Variants in MIS18A observed in about 807,000 individuals in gnomAD.
MIS18A encodes MIS18 kinetochore protein A, also known as protein Mis18-alpha.
MIS18A carries 14 observed loss-of-function variants against 25.0 expected under a neutral mutation model. That is an observed-to-expected ratio of 0.56 (90% confidence interval 0.37 to 0.88). The LOEUF is 0.88. Among genes scored for constraint, MIS18A ranks in the 40% least tolerant of loss-of-function variants. The probability of loss-of-function intolerance (pLI) is 0.00; values close to 1 mark genes in which losing one functional copy is unlikely to be tolerated. For missense variants in MIS18A, 292 were observed against 290.8 expected, an observed-to-expected ratio of 1.00 and a Z score of -0.03; for synonymous variants, 134 against 118.6, an observed-to-expected ratio of 1.13 and a Z score of -0.84.
chr21:32,178,288 GA>G, the MIS18A span, among the ~76,000 whole-genome samples: 7 of 151,998 alleles, frequency 4.6e-5, no homozygotes, highest in Non-Finnish European at 7.4e-5. Context: ...AATGCAGAGA[GA>G]CCAAAAAAAG....
chr21:32,197,199 A>G, the MIS18A span, among the ~76,000 whole-genome samples: 1 of 152,252 alleles, frequency 6.6e-6, no homozygotes, highest in Non-Finnish European at 1.5e-5. Flanking sequence ...GGAAAGAAGG[A>G]AATTTTGAAG....
the MIS18A span, among the ~76,000 whole-genome samples, chr21:32,188,003 GTCTC>G: frequency 4.7e-5 from 7 of 149,992 alleles, no homozygotes; most frequent in Non-Finnish European, 4.4e-5. Context: ...CTCCCTTTCT[GTCTC>G]TCTCTCTCTC....
the MIS18A span, among the ~76,000 whole-genome samples, chr21:32,219,103 T>C: frequency 6.6e-6 from 1 of 151,718 alleles, no homozygotes; most frequent in Non-Finnish European, 1.5e-5. Context: ...GCAATTACAT[T>C]AAACATAAAT....
the MIS18A span, among the ~76,000 whole-genome samples, chr21:32,200,877 A>C: frequency 6.6e-6 from 1 of 152,128 alleles, no homozygotes; most frequent in African/African-American, 2.4e-5. Context: ...AAACTCTCCT[A>C]ATTATCTTTT....
the MIS18A span, among the ~76,000 whole-genome samples, chr21:32,201,949 G>A: frequency 2.0e-5 from 3 of 151,988 alleles, no homozygotes; most frequent in African/African-American, 7.3e-5. Context: ...TTCAAGGAAG[G>A]CCATCAAAAT....
chr21:32,184,471 T>G, the MIS18A span, among the ~76,000 whole-genome samples: 1 of 152,180 alleles, frequency 6.6e-6, no homozygotes, highest in Non-Finnish European at 1.5e-5. Context: ...CCATTTGAAA[T>G]TTTTTCACAA....
At chr21:32,182,910 C>A in the MIS18A span, among the ~76,000 whole-genome samples, 2 of 152,190 alleles carry the variant, frequency 1.3e-5, no homozygotes, top group African/African-American at 4.8e-5. Flanking sequence ...AAGACGTACA[C>A]GTTAGTAGAC....
At chr21:32,249,059 A>G in the MIS18A span, among the ~76,000 whole-genome samples, 1 of 152,178 alleles carries the variant, frequency 6.6e-6, no homozygotes, top group African/African-American at 2.4e-5. Flanking sequence ...ACCTAAGAGC[A>G]CTTGCATAGC....
downstream of MIS18A, among the ~76,000 whole-genome samples, chr21:32,265,008 T>A (rs2031566144): frequency 6.6e-6 from 1 of 152,222 alleles, no homozygotes; most frequent in African/African-American, 2.4e-5. Flanking sequence ...TACCAGGTTC[T>A]GGAATCAGTT....
At chr21:32,275,194 C>T (rs1250123537) in intron 1 of MIS18A, among the ~76,000 whole-genome samples, 2 of 151,886 alleles carry the variant, frequency 1.3e-5, no homozygotes, top group Non-Finnish European at 2.9e-5. Context: ...GACAACATAA[C>T]GAGACTCCAT....
At chr21:32,241,590 G>A in the MIS18A span, among the ~76,000 whole-genome samples, 1 of 152,184 alleles carries the variant, frequency 6.6e-6, no homozygotes, top group Non-Finnish European at 1.5e-5. Context: ...TTGCCTGTCT[G>A]CTAGACCAGA....
the MIS18A span, among the ~76,000 whole-genome samples, chr21:32,252,265 GGAGGAGGAGGAGGAGGAA>G: frequency 2.8e-5 from 4 of 145,406 alleles, no homozygotes; most frequent in African/African-American, 1.0e-4. Context: ...AGGAGGAGGA[GGAGGAGGAGGAGGAGGAA>G]GAGAGAAGAG....
the MIS18A span, among the ~76,000 whole-genome samples, chr21:32,193,518 A>AGATG: frequency 3.1e-5 from 3 of 96,816 alleles, no homozygotes; most frequent in African/African-American, 1.1e-4. Flanking sequence ...ATAGATAGAT[A>AGATG]GATGGATAGA....
the MIS18A span, among the ~76,000 whole-genome samples, chr21:32,229,985 AAAG>A: frequency 6.6e-6 from 1 of 152,236 alleles, no homozygotes; most frequent in Non-Finnish European, 1.5e-5. Context: ...ATGTAAAACA[AAAG>A]AATGCTCTGA....
At chr21:32,260,274 G>A in the MIS18A span, 1 of 152,086 alleles carries the variant, frequency 6.6e-6, no homozygotes, top group Non-Finnish European at 1.5e-5. Context: ...AGTCATTTAA[G>A]AATAATGAAG....
downstream of MIS18A, among the ~76,000 whole-genome samples, chr21:32,267,663 A>C (rs2031629936): frequency 6.6e-6 from 1 of 152,208 alleles, no homozygotes; most frequent in African/African-American, 2.4e-5. Context: ...ACAACCAGAG[A>C]GTCAGCTGAG....
At chr21:32,211,304 G>A in the MIS18A span, among the ~76,000 whole-genome samples, 1 of 152,236 alleles carries the variant, frequency 6.6e-6, no homozygotes, top group Admixed American at 6.5e-5. Context: ...GCCTCCCAAA[G>A]TTCTGGGATT....
At chr21:32,274,431 C>T (rs2031772511) in intron 2 of MIS18A, among the ~76,000 whole-genome samples, 1 of 152,020 alleles carries the variant, frequency 6.6e-6, no homozygotes, top group Admixed American at 6.6e-5. Flanking sequence ...TCTCGAATTC[C>T]TGACCCCCCG....
At chr21:32,195,618 C>G in the MIS18A span, among the ~76,000 whole-genome samples, 1 of 152,210 alleles carries the variant, frequency 6.6e-6, no homozygotes, top group East Asian at 1.9e-4. Context: ...CGTAGATCCT[C>G]TCTTTGCACA....
Sources: allele counts gnomAD v4.1 joint callset (sites outside exome capture counted in the v4.1 genomes callset), GRCh38; gene constraint gnomAD v4.1.1; transcripts MANE v1.5; gene names NCBI Gene and HGNC (gene_info 2026-07-23, HGNC 2026-07-21).